CLCNKA: variants seen among roughly 807,000 people sequenced by gnomAD.
CLCNKA encodes chloride voltage-gated channel Ka, also known as chloride channel protein ClC-Ka.
CLCNKA carries 66 observed loss-of-function variants against 83.3 expected under a neutral mutation model. That is an observed-to-expected ratio of 0.79 (90% CI 0.65 to 0.97). CLCNKA has a LOEUF of 0.97. Among genes scored for constraint, CLCNKA ranks in the 50% least tolerant of loss-of-function variants. The pLI, the probability that CLCNKA is intolerant of heterozygous loss-of-function variation, is 0.00. For synonymous variants in CLCNKA, 357 were observed against 370.4 expected (o/e 0.96, Z 0.42); for missense variants, 806 against 888.7 (o/e 0.91, Z 1.18).
At position 16,033,785 on chromosome 1, in the gene CLCNKA, C is replaced by A; in HGVS notation, c.*127C>A. ...AGCCCAGCTCCATTCTTTGGCATAA[C>A]AGGCAACTCTAACCTAGCCCAGAAG... On this transcript the variant is annotated 3_prime_UTR_variant, in exon 20 of 20. Coordinates refer to ENST00000331433, the MANE Select transcript of CLCNKA (RefSeq NM_004070.4). The A allele has an allele frequency of 7.4e-6, 7 of 944,448 alleles. No homozygotes were observed. In the Admixed American group the frequency reaches 7.9e-5, roughly 11 times the overall value. 58.5% of individuals were successfully genotyped at this position (944,448 alleles called of 1,614,324 possible).
At chr1:16,022,749 G>C (rs375055144) in intron 2 of CLCNKA, 30 bp downstream of exon 2, 1 of 1,442,566 alleles carries the variant, frequency 6.9e-7, no homozygotes, top group African/African-American at 1.4e-5. Context: ...CCCTACCCGC[G>C]GGGGACCACT....
intron 15 of CLCNKA, among the ~76,000 whole-genome samples, 165 bp from the exon 16 acceptor site, chr1:16,031,545 C>T (rs1369792002): frequency 1.3e-5 from 2 of 152,152 alleles, no homozygotes; most frequent in Non-Finnish European, 2.9e-5. Flanking sequence ...AGGTTTCCTC[C>T]CACTGTGGGT....
At chr1:16,024,990 T>G in intron 4 of CLCNKA, 99 bp downstream of exon 4, 1 of 1,519,740 alleles carries the variant, frequency 6.6e-7, no homozygotes, top group South Asian at 1.1e-5. Flanking sequence ...GCCTCATTTC[T>G]CAAGCCCAGA....
chr1:16,031,244 A>G (rs1382759990), intron 15 of CLCNKA, among the ~76,000 whole-genome samples: 1 of 152,064 alleles, frequency 6.6e-6, no homozygotes, highest in African/African-American at 2.4e-5. Context: ...CCATCGGGAA[A>G]ATGGGGCTGT....
chr1:16,026,944 G>C, intron 7 of CLCNKA, 169 bp downstream of exon 7: 2 of 845,302 alleles, frequency 2.4e-6, no homozygotes, highest in Non-Finnish European at 3.8e-6. Flanking sequence ...GGGGCGGGGC[G>C]GGTGGTTGGG....
At chr1:16,026,045 C>T (rs1461475615) in intron 4 of CLCNKA, 63 bp from the exon 5 acceptor site, 23 of 1,608,016 alleles carry the variant, frequency 1.4e-5, no homozygotes, top group Admixed American at 5.0e-5. Context: ...TGAGCCACTG[C>T]GCCTGGCAGA....
chr1:16,029,854 A>G (rs2022545197), intron 13 of CLCNKA, 54 bp downstream of exon 13: 3 of 1,610,686 alleles, frequency 1.9e-6, no homozygotes, highest in Non-Finnish European at 8.5e-7. Context: ...GGGCAGGGCC[A>G]TGCATCCTGG....
intron 1 of CLCNKA, among the ~76,000 whole-genome samples, chr1:16,022,317 A>G (rs1437665834): frequency 6.6e-6 from 1 of 152,132 alleles, no homozygotes; most frequent in South Asian, 2.1e-4. Flanking sequence ...GACTGCTCCC[A>G]GTAGTGGAAG....
intron 15 of CLCNKA, 88 bp downstream of exon 15, chr1:16,030,762 C>A: frequency 1.9e-6 from 3 of 1,551,486 alleles, no homozygotes; most frequent in Non-Finnish European, 2.6e-6. Context: ...AAAGAAACAC[C>A]ACCGCAGCTG....
intron 17 of CLCNKA, 67 bp downstream of exon 17, chr1:16,032,358 C>T: frequency 1.9e-6 from 3 of 1,541,868 alleles, no homozygotes; most frequent in Non-Finnish European, 2.7e-6. Context: ...GGGGAGGGAC[C>T]CGCTGATCTC....
intron 11 of CLCNKA, 28 bp downstream of exon 11, chr1:16,028,873 G>A (rs763830449): frequency 4.7e-5 from 75 of 1,609,330 alleles, no homozygotes; most frequent in Non-Finnish European, 5.7e-5. Context: ...GGGGTGGCAG[G>A]AGTGGGAACC....
At position 16,030,091 on chromosome 1, in the gene CLCNKA, C is replaced by G. The variant is rs559319933; in HGVS notation, c.1408+16C>G. On this transcript the variant is annotated intron_variant, in intron 14 of 19. Transcript: ENST00000331433. ...GCTCTGGCAGGTGAGTGGGTCACGGCCCTGCTGGGTGGGCAATGTCGTGGG... is the reference window on the plus strand; with the variant it reads ...GCTCTGGCAGGTGAGTGGGTCACGGGCCTGCTGGGTGGGCAATGTCGTGGG... The G allele has an allele frequency of 5.9e-5, 92 of 1,556,628 alleles. 3 individuals carry two copies. In the South Asian group the frequency reaches 8.7e-4, roughly 15 times the overall value.
Position 16,028,755 on chromosome 1 carries a change from C to G in CLCNKA, c.969-6C>G, listed in dbSNP as rs1262575847. 2 of 1,613,986 alleles carry G rather than the reference C, an allele frequency of 1.2e-6. No individual in the cohort carries two copies. The highest frequency in any genetic ancestry group is 2.7e-5 in the African/African-American group (2 of 74,938). On this transcript the variant is annotated splice_region_variant and splice_polypyrimidine_tract_variant and intron_variant, in intron 10 of 19. Coordinates refer to ENST00000331433, the MANE Select transcript of CLCNKA (RefSeq NM_004070.4). Reference sequence around the variant, plus strand: ...GCCAGCCCTAGAGCTCACCCACCCCCCACAGCAAGCCTGTGTACTCCGCTC... The same window carrying G: ...GCCAGCCCTAGAGCTCACCCACCCCGCACAGCAAGCCTGTGTACTCCGCTC...
chr1:16,028,091 C>A lies in CLCNKA; in HGVS notation c.940C>A (p.Arg314=). The change falls in exon 10 of 20, where the codon CGG becomes AGG. Residue 314 remains arginine (R), a synonymous_variant. Transcript: ENST00000331433. Reference sequence around the variant, plus strand: ...CTTCCTCAGCTTCATCAAGACCAATCGGTACAGCTCCAAACTGCTGGCTAC... The same window carrying A: ...CTTCCTCAGCTTCATCAAGACCAATAGGTACAGCTCCAAACTGCTGGCTAC... ...RTFLSFIKTN[R]YSSKLLATSK... 3 of 1,572,294 alleles carry A rather than the reference C, an allele frequency of 1.9e-6. No individual in the cohort carries two copies. Among genetic ancestry groups the A allele is most frequent in the Non-Finnish European group, 2.6e-6 (3 of 1,142,942 alleles).
chr1:16,033,576 T>TCCCCCCCCCCCCCCCCCCCC, intron 19 of CLCNKA, 35 bp from the exon 20 acceptor site: 1 of 659,108 alleles, frequency 1.5e-6, no homozygotes, highest in Non-Finnish European at 2.5e-6. Context: ...CTCCTCTACA[T>TCCCCCCCCCCCCCCCCCCCC]CCCCCCCCAC....
intron 18 of CLCNKA, among the ~76,000 whole-genome samples, chr1:16,032,773 T>G (rs1449250391): frequency 6.6e-6 from 1 of 152,216 alleles, no homozygotes; most frequent in Non-Finnish European, 1.5e-5. Flanking sequence ...AGAAAGACAG[T>G]GGAGTTGCAC....
Position 16,030,076 on chromosome 1 carries a change from G to A in CLCNKA, c.1408+1G>A, listed in dbSNP as rs2022558780. On this transcript the variant is annotated splice_donor_variant, in intron 14 of 19. Transcript: ENST00000331433. LOFTEE classifies it high-confidence loss of function. ...ATGCCCGGGGGGTATGCTCTGGCAG[G>A]TGAGTGGGTCACGGCCCTGCTGGGT... 1 of 1,598,058 alleles carries A rather than the reference G, an allele frequency of 6.3e-7. No homozygotes were observed. Among genetic ancestry groups the A allele is most frequent in the Non-Finnish European group, 8.6e-7 (1 of 1,166,110 alleles).
At chr1:16,028,668 G>T in intron 10 of CLCNKA, 93 bp from the exon 11 acceptor site, 1 of 1,479,070 alleles carries the variant, frequency 6.8e-7, no homozygotes, top group East Asian at 2.3e-5. Flanking sequence ...CCCAGGTGGG[G>T]AGCTCTGCTG....
intron 3 of CLCNKA, 75 bp downstream of exon 3, chr1:16,024,003 C>G: frequency 6.3e-7 from 1 of 1,578,222 alleles, no homozygotes; most frequent in Non-Finnish European, 8.7e-7. Flanking sequence ...GATGGGCCAC[C>G]AAGTGCAGCG....
Sources: allele counts gnomAD v4.1 joint callset (sites outside exome capture counted in the v4.1 genomes callset), GRCh38; gene constraint gnomAD v4.1.1; transcripts MANE v1.5; gene names NCBI Gene and HGNC (gene_info 2026-07-23, HGNC 2026-07-21).